TAOK1: variants seen among roughly 807,000 people sequenced by gnomAD.
The protein encoded by TAOK1 is TAO kinase 1, also known as serine/threonine-protein kinase TAO1.
A neutral mutation model predicts 138.3 loss-of-function variants in TAOK1; 21 were observed. The ratio of observed to expected loss-of-function variants is 0.15; its 90% CI spans 0.11 to 0.22. The LOEUF is 0.22. TAOK1 is among the 10% of genes least tolerant of loss of function. The probability of loss-of-function intolerance (pLI) is 1.00; values close to 1 mark genes in which losing one functional copy is unlikely to be tolerated. For synonymous variants in TAOK1, 361 were observed against 398.4 expected, an observed-to-expected ratio of 0.91 and a Z score of 1.12; for missense variants, 651 against 1,227.7, an observed-to-expected ratio of 0.53 and a Z score of 7.02.
At chr17:29,541,097 T>TTTTTG (rs972823762) in intron 19 of TAOK1, among the ~76,000 whole-genome samples, 1 of 35,058 alleles carries the variant, frequency 2.9e-5, no homozygotes, top group African/African-American at 1.3e-4. Flanking sequence ...ATGAAAAAAA[T>TTTTTG]TTTTGTTTTG....
At chr17:29,511,047 A>C in intron 15 of TAOK1, 55 bp downstream of exon 15, 3 of 1,500,722 alleles carry the variant, frequency 2.0e-6, no homozygotes, top group Non-Finnish European at 1.8e-6. Context: ...ATTATATCCA[A>C]TGGTGACCAA....
intron 1 of TAOK1, chr17:29,424,760 T>A (rs762685696): frequency 6.6e-6 from 1 of 152,164 alleles, no homozygotes; most frequent in African/African-American, 2.4e-5. Context: ...AGTTTAAAAT[T>A]TTTTTTAATG....
chr17:29,398,077 A>G (rs139764588), intron 1 of TAOK1, among the ~76,000 whole-genome samples: 23 of 152,182 alleles, frequency 1.5e-4, no homozygotes, highest in Admixed American at 7.2e-4. Flanking sequence ...ATGTTGCCCA[A>G]TCTGGTCTCA....
intron 2 of TAOK1, among the ~76,000 whole-genome samples, chr17:29,461,568 TAAA>T (rs2030532498): frequency 6.6e-6 from 1 of 152,226 alleles, no homozygotes; most frequent in African/African-American, 2.4e-5. Flanking sequence ...TAACATTAAA[TAAA>T]GAAGAATATG....
intron 2 of TAOK1, among the ~76,000 whole-genome samples, chr17:29,453,050 G>GC (rs1160222945): frequency 1.3e-5 from 2 of 151,966 alleles, no homozygotes; most frequent in African/African-American, 4.8e-5. Context: ...CTGCCTAACT[G>GC]CACCACAGCA....
At chr17:29,539,074 A>G (rs2032270760) in intron 19 of TAOK1, among the ~76,000 whole-genome samples, 2 of 152,092 alleles carry the variant, frequency 1.3e-5, no homozygotes, top group Admixed American at 1.3e-4. Flanking sequence ...CCTTGGCAAC[A>G]TGATGAAACC....
chr17:29,532,133 T>G (rs1336355598), intron 18 of TAOK1, among the ~76,000 whole-genome samples: 2 of 152,108 alleles, frequency 1.3e-5, no homozygotes, highest in Non-Finnish European at 2.9e-5. Context: ...GTGCTGGGAT[T>G]ACAGGCGTGA....
chr17:29,487,246 CAAAAAAAAA>C (rs71138823), intron 8 of TAOK1, among the ~76,000 whole-genome samples: 14 of 90,278 alleles, frequency 1.6e-4, no homozygotes, highest in South Asian at 9.3e-4. Context: ...ACTGTGTCTC[CAAAAAAAAA>C]AAAAAAAAAA....
intron 17 of TAOK1, among the ~76,000 whole-genome samples, chr17:29,526,819 TAAAAAAAAAAAA>T (rs71138830): frequency 2.6e-4 from 13 of 50,952 alleles, no homozygotes; most frequent in South Asian, 7.4e-4. Flanking sequence ...TCTCATCTCT[TAAAAAAAAAAAA>T]AAAAAAAAAA....
chr17:29,484,790 A>G (rs1310051183), intron 8 of TAOK1, among the ~76,000 whole-genome samples: 2 of 152,026 alleles, frequency 1.3e-5, no homozygotes, highest in Non-Finnish European at 2.9e-5. Context: ...TTTTTAGTAG[A>G]GATAGGTTTT....
In TAOK1 at chr17:29,529,604, C is replaced by T. The variant is rs148772838; in HGVS notation, c.2149-803C>T. Among the ~76,000 whole-genome samples, 490 of 152,138 alleles carry T rather than the reference C, an allele frequency of 3.2e-3. 12 individuals are homozygous for T. Among genetic ancestry groups the T allele is most frequent in the Admixed American group, 0.026 (395 of 15,278 alleles). Reference sequence around the variant, plus strand: ...AAAATTGGCCAGGTGCAGTGGTTCACGCCTGTAATCCCAGCACTTAGGAGG... The same window carrying T: ...AAAATTGGCCAGGTGCAGTGGTTCATGCCTGTAATCCCAGCACTTAGGAGG... On this transcript the variant is annotated intron_variant, in intron 17 of 19. Coordinates refer to ENST00000261716, the MANE Select transcript of TAOK1 (RefSeq NM_020791.4).
chr17:29,467,281 T>A, intron 3 of TAOK1, 65 bp downstream of exon 3: 1 of 526,936 alleles, frequency 1.9e-6, no homozygotes, highest in Non-Finnish European at 2.9e-6. Context: ...ATATACATTC[T>A]TTTTTTTTTT....
intron 17 of TAOK1, among the ~76,000 whole-genome samples, chr17:29,528,834 C>T (rs1286707365): frequency 7.1e-5 from 7 of 99,018 alleles, no homozygotes; most frequent in Middle Eastern, 5.8e-3. Flanking sequence ...AATGAGACTC[C>T]GTCTCAAAAA....
At chr17:29,479,295 A>G (rs2031009748) in intron 6 of TAOK1, among the ~76,000 whole-genome samples, 1 of 152,222 alleles carries the variant, frequency 6.6e-6, no homozygotes, top group Non-Finnish European at 1.5e-5. Context: ...GTTTTAGAAG[A>G]AAGTTAGCAT....
chr17:29,516,000 A>G (rs1393027276), intron 15 of TAOK1, among the ~76,000 whole-genome samples: 1 of 151,712 alleles, frequency 6.6e-6, no homozygotes, highest in Non-Finnish European at 1.5e-5. Flanking sequence ...CTTGTTGCCC[A>G]GGCTGGAGTG....
intron 1 of TAOK1, among the ~76,000 whole-genome samples, chr17:29,397,623 T>TAGAC: frequency 1.5e-5 from 1 of 64,632 alleles, no homozygotes; most frequent in Non-Finnish European, 3.0e-5. Context: ...AATATATATA[T>TAGAC]ATATATACAT....
intron 1 of TAOK1, among the ~76,000 whole-genome samples, chr17:29,448,605 T>C (rs1281042212): frequency 6.6e-6 from 1 of 152,222 alleles, no homozygotes; most frequent in Non-Finnish European, 1.5e-5. Context: ...TTCAATTCCC[T>C]AATTATCTCT....
In TAOK1 at chr17:29,535,079, A is replaced by G. The variant is rs572218846; in HGVS notation, c.2544+779A>G. On this transcript the variant is annotated intron_variant, in intron 19 of 19. Transcript: ENST00000261716. ...GGCCTCCCAGCACTTTGGGAAGCCA[A>G]GGCGGGAAGATCGTCTGAGCTCAGG... 3.3e-5 allele frequency among the ~76,000 whole-genome samples: 5 copies of G among 152,238 alleles called. No homozygotes were observed. The South Asian group carries it at 1.0e-3, about 32-fold the overall frequency.
chr17:29,418,521 A>G (rs1426653862), intron 1 of TAOK1, among the ~76,000 whole-genome samples: 1 of 152,072 alleles, frequency 6.6e-6, no homozygotes, highest in Admixed American at 6.6e-5. Context: ...AGCTTTATAT[A>G]GTCATTCCTT....
Sources: gnomAD v4.1 joint callset for allele counts (sites outside exome capture counted in the v4.1 genomes callset) on GRCh38, gnomAD v4.1.1 for gene constraint, MANE v1.5 for transcripts, NCBI Gene and HGNC (gene_info 2026-07-23, HGNC 2026-07-21) for gene names.